Variants in ADGRL2 observed in about 807,000 individuals in gnomAD.
The protein encoded by ADGRL2 is adhesion G protein-coupled receptor L2, also known as calcium-independent alpha-latrotoxin receptor 2.
ADGRL2 carries 44 observed loss-of-function variants against 157.4 expected under a neutral mutation model. The observed-to-expected ratio is 0.28, with a 90% confidence interval of 0.22 to 0.36. The LOEUF (loss-of-function observed/expected upper bound fraction) is 0.36, where lower values mean the gene tolerates loss of function less well. Among genes scored for constraint, ADGRL2 ranks in the 10% least tolerant of loss-of-function variants. The probability of loss-of-function intolerance (pLI) is 1.00; values close to 1 mark genes in which losing one functional copy is unlikely to be tolerated. For synonymous variants in ADGRL2, 585 were observed against 624.7 expected, an observed-to-expected ratio of 0.94 and a Z score of 0.95; for missense variants, 1,510 against 1,768.9, an observed-to-expected ratio of 0.85 and a Z score of 2.63.
At chr1:81,857,523 G>C (rs1396842070) in intron 2 of ADGRL2, among the ~76,000 whole-genome samples, 1 of 152,080 alleles carries the variant, frequency 6.6e-6, no homozygotes, top group African/African-American at 2.4e-5. Context: ...TAATTGCGTT[G>C]ACTAGATATT....
chr1:81,432,271 T>G (rs1357986421), intron 1 of ADGRL2, among the ~76,000 whole-genome samples: 4 of 152,160 alleles, frequency 2.6e-5, no homozygotes, highest in African/African-American at 9.7e-5. Flanking sequence ...AAGTAAACAA[T>G]AGGGCGATTG....
intron 2 of ADGRL2, among the ~76,000 whole-genome samples, chr1:81,560,524 A>C (rs886454941): frequency 2.0e-5 from 3 of 152,222 alleles, no homozygotes; most frequent in Non-Finnish European, 4.4e-5. Flanking sequence ...AATAGAGACT[A>C]AACACACAAT....
At chr1:81,427,547 C>T in intron 1 of ADGRL2, 1 of 746,700 alleles carries the variant, frequency 1.3e-6, no homozygotes, top group Non-Finnish European at 2.5e-6. Context: ...GGAAGAAGCT[C>T]ATCCCTATGA....
intron 1 of ADGRL2, among the ~76,000 whole-genome samples, chr1:81,810,823 C>T (rs935982121): frequency 1.3e-5 from 2 of 151,720 alleles, no homozygotes; most frequent in Non-Finnish European, 3.0e-5. Flanking sequence ...GCCTCATATG[C>T]GTCGACAAAT....
intron 3 of ADGRL2, among the ~76,000 whole-genome samples, chr1:81,932,199 A>G (rs948843491): frequency 6.6e-6 from 1 of 152,126 alleles, no homozygotes; most frequent in Non-Finnish European, 1.5e-5. Flanking sequence ...TTTTATTTCC[A>G]ATTTTAGTGT....
upstream of ADGRL2, among the ~76,000 whole-genome samples, chr1:81,696,206 C>A (rs1011210581): frequency 6.6e-6 from 1 of 151,802 alleles, no homozygotes; most frequent in African/African-American, 2.4e-5. Flanking sequence ...AATTTTTTTT[C>A]CCTCTCGGCT....
At chr1:81,717,772 A>T (rs2084165068) in intron 1 of ADGRL2, among the ~76,000 whole-genome samples, 1 of 152,216 alleles carries the variant, frequency 6.6e-6, no homozygotes, top group South Asian at 2.1e-4. Flanking sequence ...CAATAGCAGA[A>T]GGAAAATAAT....
chr1:81,799,272 T>C (rs751276080), upstream of ADGRL2, among the ~76,000 whole-genome samples: 7 of 150,838 alleles, frequency 4.6e-5, no homozygotes, highest in Non-Finnish European at 8.9e-5. Flanking sequence ...ATTTGAATTA[T>C]GTTATGTAAG....
chr1:81,501,991 C>G (rs1212896710), intron 2 of ADGRL2: 3 of 1,611,136 alleles, frequency 1.9e-6, no homozygotes, highest in Non-Finnish European at 2.5e-6. Flanking sequence ...GTCCCTTAGC[C>G]AGAGTTCCAC....
intron 2 of ADGRL2, among the ~76,000 whole-genome samples, chr1:81,469,334 G>A (rs1431307729): frequency 2.0e-5 from 3 of 152,116 alleles, no homozygotes; most frequent in Non-Finnish European, 2.9e-5. Flanking sequence ...TCCATCTTGC[G>A]GTTGATTTCA....
chr1:81,776,434 G>T, intron 2 of ADGRL2, among the ~76,000 whole-genome samples: 1 of 152,202 alleles, frequency 6.6e-6, no homozygotes, highest in South Asian at 2.1e-4. Context: ...TGATCTGCCC[G>T]CCTCGGCCTC....
At position 81,905,947 on chromosome 1, in the gene ADGRL2, A is replaced by AGTGTGTGT. The variant is rs3046460; in HGVS notation, c.74-1037_74-1030dup. Among the ~76,000 whole-genome samples the AGTGTGTGT allele has an allele frequency of 9.5e-3, 1,371 of 144,562 alleles. 22 individuals are homozygous for AGTGTGTGT. Among genetic ancestry groups the AGTGTGTGT allele is most frequent in the East Asian group, 0.043 (209 of 4,892 alleles). The allele number at this position is 144,562 out of a possible 152,430, so 94.8% of individuals were successfully genotyped here. ...GGTCAGGAGATGGAGAAAAAAGCAGAGTGTGTGTGTGTGTGTGTGTGTGTG... is the reference window on the plus strand; with the variant it reads ...GGTCAGGAGATGGAGAAAAAAGCAGAGTGTGTGTGTGTGTGTGTGTGTGTGTGTGTGTG... On this transcript the variant is annotated intron_variant, in intron 2 of 23. Transcript: ENST00000686636.
intron 1 of ADGRL2, chr1:81,427,162 A>T: frequency 9.2e-7 from 1 of 1,087,946 alleles, no homozygotes; most frequent in Non-Finnish European, 1.4e-6. Context: ...TGGGTTGCGG[A>T]GGAAACTTTC....
At chr1:81,822,120 G>T (rs1465072277) in intron 1 of ADGRL2, among the ~76,000 whole-genome samples, 2 of 143,692 alleles carry the variant, frequency 1.4e-5, no homozygotes, top group East Asian at 4.2e-4. Flanking sequence ...GCCCACAATT[G>T]GCTGTTGAAC....
chr1:81,977,369 GATTA>G (rs1183663270), intron 17 of ADGRL2, among the ~76,000 whole-genome samples: 1 of 151,752 alleles, frequency 6.6e-6, no homozygotes, highest in African/African-American at 2.4e-5. Flanking sequence ...GTTTTTAAAG[GATTA>G]ATTGAGATAA....
At chr1:81,856,673 T>C (rs1267284954) in intron 2 of ADGRL2, among the ~76,000 whole-genome samples, 1 of 152,104 alleles carries the variant, frequency 6.6e-6, no homozygotes, top group African/African-American at 2.4e-5. Context: ...AGATAAGAAA[T>C]ACAAGATAAA....
At chr1:81,562,689 G>GT (rs972656143) in intron 2 of ADGRL2, among the ~76,000 whole-genome samples, 10 of 151,798 alleles carry the variant, frequency 6.6e-5, no homozygotes, top group African/African-American at 1.9e-4. Flanking sequence ...GATTCTTGCA[G>GT]TTTTTTTAAA....
intron 1 of ADGRL2, among the ~76,000 whole-genome samples, chr1:81,400,678 C>T (rs1263282160): frequency 6.6e-6 from 1 of 152,024 alleles, no homozygotes; most frequent in Non-Finnish European, 1.5e-5. Context: ...CTCTGTTAGT[C>T]CAGGTGCAGC....
rs556093734 is a variant in ADGRL2, at chr1:81,353,620, A to T, written c.-302+47111A>T. Among the ~76,000 whole-genome samples the T allele has an allele frequency of 2.6e-5, 4 of 152,312 alleles. No homozygotes were observed. The South Asian group carries it at 8.3e-4, about 32-fold the overall frequency. On this transcript the variant is annotated intron_variant, in intron 1 of 24. Coordinates refer to the ADGRL2 transcript ENST00000370721. ...TTTACAGGATATGATGATTGATTGGATGTAGAAAGGTGAAGAAGAGAAAAA... is the reference window on the plus strand; with the variant it reads ...TTTACAGGATATGATGATTGATTGGTTGTAGAAAGGTGAAGAAGAGAAAAA...
Sources: gnomAD v4.1 joint callset for allele counts (sites outside exome capture counted in the v4.1 genomes callset) on GRCh38, gnomAD v4.1.1 for gene constraint, MANE v1.5 for transcripts, NCBI Gene and HGNC (gene_info 2026-07-23, HGNC 2026-07-21) for gene names.